Variants in TAFA5 observed in about 807,000 individuals in gnomAD.
The protein encoded by TAFA5 is chemokine-like protein TAFA-5.
A neutral mutation model predicts 15.3 loss-of-function variants in TAFA5; 6 were observed. The observed-to-expected ratio is 0.39, with a 90% CI of 0.21 to 0.77. The LOEUF (loss-of-function observed/expected upper bound fraction) is 0.77. TAFA5 is among the 30% of genes least tolerant of loss of function. The pLI, the probability that TAFA5 is intolerant of heterozygous loss-of-function variation, is 0.41. For missense variants in TAFA5, 161 were observed against 193.1 expected (o/e 0.83, Z 0.98); for synonymous variants, 103 against 80.7 (o/e 1.28, Z -1.48).
chr22:48,625,912 CT>C (rs1356315435), intron 1 of TAFA5, among the ~76,000 whole-genome samples: 1 of 152,194 alleles, frequency 6.6e-6, no homozygotes, highest in Admixed American at 6.5e-5. Context: ...GTAGTTTTAT[CT>C]TTTCCAGAGT....
At chr22:48,638,415 CCTGGGACACCGCACACAGGCAGCA>C (rs2147195581) in intron 1 of TAFA5, among the ~76,000 whole-genome samples, 1 of 109,120 alleles carries the variant, frequency 9.2e-6, no homozygotes, top group Admixed American at 1.0e-4. Flanking sequence ...GACACTAAGC[CCTGGGACACCGCACACAGGCAGCA>C]CCCCTCCCCC....
In TAFA5 at chr22:48,494,553, G is replaced by A. The variant is rs182223135; in HGVS notation, c.112+4849G>A. On this transcript the variant is annotated intron_variant, in intron 1 of 3. Coordinates refer to ENST00000402357, the MANE Select transcript of TAFA5 (RefSeq NM_001082967.3). ...GGGCCTGTGTTGGTGCAGATGCAGGGGGCCCATAGCGTCTGGTGTGTCTCT... is the reference window on the plus strand; with the variant it reads ...GGGCCTGTGTTGGTGCAGATGCAGGAGGCCCATAGCGTCTGGTGTGTCTCT... 7.2e-5 allele frequency among the ~76,000 whole-genome samples: 11 copies of A among 152,292 alleles called. No individual in the cohort carries two copies. In the East Asian group the frequency reaches 2.1e-3, roughly 29 times the overall value.
At chr22:48,503,354 A>G (rs891519832) in intron 1 of TAFA5, among the ~76,000 whole-genome samples, 2 of 152,182 alleles carry the variant, frequency 1.3e-5, no homozygotes, top group African/African-American at 2.4e-5. Context: ...GAGGGCAGAT[A>G]CCTTTGGCCT....
At chr22:48,502,666 C>T (rs1445028566) in intron 1 of TAFA5, among the ~76,000 whole-genome samples, 1 of 151,862 alleles carries the variant, frequency 6.6e-6, no homozygotes, top group African/African-American at 2.4e-5. Context: ...AGACTACAGG[C>T]GCCCGCCACC....
chr22:48,500,445 T>G (rs574445463), intron 1 of TAFA5, among the ~76,000 whole-genome samples: 84 of 152,348 alleles, frequency 5.5e-4, no homozygotes, highest in African/African-American at 1.9e-3. Context: ...CTTGGGCCAC[T>G]GTGGAGCAAA....
At chr22:48,695,786 T>C (rs1276108457) in intron 2 of TAFA5, among the ~76,000 whole-genome samples, 1 of 152,174 alleles carries the variant, frequency 6.6e-6, no homozygotes, top group African/African-American at 2.4e-5. Context: ...TGGGGCTTCC[T>C]GGTGCTGGAA....
intron 3 of TAFA5, 59 bp from the exon 4 acceptor site, chr22:48,749,780 C>T (rs1216860890): frequency 5.8e-6 from 9 of 1,550,492 alleles, no homozygotes; most frequent in Non-Finnish European, 4.4e-6. Flanking sequence ...GCCTGTGTTC[C>T]CTGTGGCCCT....
At chr22:48,573,138 C>T (rs938793301) in intron 1 of TAFA5, among the ~76,000 whole-genome samples, 1 of 152,198 alleles carries the variant, frequency 6.6e-6, no homozygotes, top group Non-Finnish European at 1.5e-5. Flanking sequence ...GGGGAAGACA[C>T]ACCCACCCGG....
chr22:48,697,775 AATGATGATGGTG>A (rs57633487), intron 2 of TAFA5, among the ~76,000 whole-genome samples: 22,691 of 150,650 alleles, frequency 0.15, 2,183 homozygotes, highest in East Asian at 0.44. Flanking sequence ...ACAGTGATAA[AATGATGATGGTG>A]ATGATGATGG....
At chr22:48,693,118 C>G in intron 2 of TAFA5, 2 of 642,994 alleles carry the variant, frequency 3.1e-6, no homozygotes, top group South Asian at 3.9e-5. Context: ...CTCGGATTCC[C>G]AGTAGCTGAG....
chr22:48,544,599 G>C (rs1922590271), intron 1 of TAFA5: 1 of 436,778 alleles, frequency 2.3e-6, no homozygotes, highest in Admixed American at 2.4e-5. Flanking sequence ...GAGCTGCACA[G>C]AGCGGCACAG....
intron 2 of TAFA5, among the ~76,000 whole-genome samples, chr22:48,668,416 G>A (rs1927690991): frequency 3.3e-5 from 1 of 30,402 alleles, no homozygotes; most frequent in Non-Finnish European, 4.6e-5. Flanking sequence ...TCGGGGCCGC[G>A]TTTTCACTGG....
intron 3 of TAFA5, among the ~76,000 whole-genome samples, chr22:48,719,772 A>G (rs530136000): frequency 2.2e-4 from 34 of 152,330 alleles, no homozygotes; most frequent in African/African-American, 8.2e-4. Flanking sequence ...CTTTTGAATC[A>G]CCGCTATTCA....
intron 3 of TAFA5, among the ~76,000 whole-genome samples, chr22:48,743,904 G>A (rs1191480243): frequency 6.6e-6 from 1 of 152,252 alleles, no homozygotes; most frequent in East Asian, 1.9e-4. Context: ...CAGCAGCCGA[G>A]TGTTGCTTGG....
chr22:48,542,377 GGT>G lies in TAFA5; in HGVS notation c.112+52685_112+52686del, dbSNP rs796950044. Reference sequence around the variant, plus strand: ...TGCATATGTGTGTGTGCGGGTGTGTGGTGTGTGTGTGTGGTGTGTGTGTGCGT... The same window carrying G: ...TGCATATGTGTGTGTGCGGGTGTGTGGTGTGTGTGTGGTGTGTGTGTGCGT... On this transcript the variant is annotated intron_variant, in intron 1 of 3. Transcript: ENST00000402357. Among the ~76,000 whole-genome samples the G allele has an allele frequency of 4.6e-3, 600 of 130,042 alleles. 5 individuals carry two copies. Among genetic ancestry groups the G allele is most frequent in the African/African-American group, 0.013 (437 of 34,108 alleles). The allele number at this position is 130,042 out of a possible 152,430, so 85.3% of individuals were successfully genotyped here. A position where few individuals can be genotyped will look rare whatever the true frequency, so the allele number is the denominator to read the frequency against.
chr22:48,665,750 T>A (rs1352416843), intron 2 of TAFA5, among the ~76,000 whole-genome samples: 1 of 152,252 alleles, frequency 6.6e-6, no homozygotes, highest in Non-Finnish European at 1.5e-5. Context: ...TAGCTAATTA[T>A]CTTTTATGTC....
chr22:48,719,219 G>A (rs1311456187), intron 3 of TAFA5, among the ~76,000 whole-genome samples: 2 of 152,196 alleles, frequency 1.3e-5, no homozygotes, highest in African/African-American at 2.4e-5. Context: ...CCGTCCTTCT[G>A]GAACTAATGC....
intron 3 of TAFA5, among the ~76,000 whole-genome samples, chr22:48,713,447 A>G (rs1032879737): frequency 1.1e-4 from 17 of 152,252 alleles, no homozygotes; most frequent in Non-Finnish European, 1.9e-4. Context: ...CAGCCTGCCA[A>G]AATGCTGTCT....
chr22:48,688,459 G>A (rs1374640179), intron 2 of TAFA5, among the ~76,000 whole-genome samples: 2 of 152,198 alleles, frequency 1.3e-5, no homozygotes, highest in African/African-American at 4.8e-5. Flanking sequence ...CCTTTTCTCA[G>A]TGTTCTCCTG....
Sources: allele counts gnomAD v4.1 joint callset (sites outside exome capture counted in the v4.1 genomes callset), GRCh38; gene constraint gnomAD v4.1.1; transcripts MANE v1.5; gene names NCBI Gene and HGNC (gene_info 2026-07-23, HGNC 2026-07-21).